CSMD1: variants seen among roughly 807,000 people sequenced by gnomAD.
CSMD1 encodes CUB and Sushi multiple domains 1.
A neutral mutation model predicts 417.5 loss-of-function variants in CSMD1; 213 were observed. The ratio of observed to expected loss-of-function variants is 0.51; its 90% confidence interval spans 0.46 to 0.57. CSMD1 has a LOEUF of 0.57. Ranked by LOEUF, CSMD1 falls within the 20% of genes least tolerant of loss-of-function variation. The probability of loss-of-function intolerance (pLI) is 0.00; values close to 1 mark genes in which losing one functional copy is unlikely to be tolerated. For synonymous variants in CSMD1, 2,862 were observed against 1,736.8 expected (o/e 1.65, Z -16.11); for missense variants, 6,923 against 4,529.7 (o/e 1.53, Z -15.17).
intron 3 of CSMD1, among the ~76,000 whole-genome samples, chr8:4,305,145 A>G (rs1426355672): frequency 6.6e-6 from 1 of 152,206 alleles, no homozygotes; most frequent in Non-Finnish European, 1.5e-5. Flanking sequence ...ATGCATTGGT[A>G]TCTATTTTGA....
chr8:3,492,633 C>A lies in CSMD1; in HGVS notation c.1448+990G>T, dbSNP rs146540325. ...CATAAACCAGGTGTGATAAAATGGA[C>A]AAAAACTGTCTTTGAGGCCCTCTCT... is the stretch of plus-strand genomic sequence containing the variant. On this transcript the variant is annotated intron_variant, in intron 11 of 69. Coordinates refer to ENST00000635120, the MANE Select transcript of CSMD1 (RefSeq NM_033225.6). Among the ~76,000 whole-genome samples the A allele has an allele frequency of 8.1e-3, 1,238 of 152,250 alleles. 19 individuals are homozygous for A. The highest frequency in any genetic ancestry group is 0.012 in the Non-Finnish European group (803 of 67,990).
chr8:4,300,125 G>C (rs1242014443), intron 3 of CSMD1, among the ~76,000 whole-genome samples: 1 of 152,188 alleles, frequency 6.6e-6, no homozygotes, highest in African/African-American at 2.4e-5. Flanking sequence ...CATCAGCTGA[G>C]TGCTTTTGAC....
At chr8:3,911,792 G>A (rs1417633399) in intron 5 of CSMD1, among the ~76,000 whole-genome samples, 3 of 152,240 alleles carry the variant, frequency 2.0e-5, no homozygotes, top group Admixed American at 6.5e-5. Context: ...TCAATAGACT[G>A]AAACTTGTAA....
chr8:3,592,810 T>C (rs1800912263), intron 8 of CSMD1, among the ~76,000 whole-genome samples: 1 of 152,108 alleles, frequency 6.6e-6, no homozygotes, highest in South Asian at 2.1e-4. Context: ...GACTTCCAAA[T>C]TCACAGTGGG....
chr8:3,216,104 C>T (rs970424390), intron 29 of CSMD1, among the ~76,000 whole-genome samples: 11 of 150,388 alleles, frequency 7.3e-5, no homozygotes, highest in African/African-American at 2.7e-4. Context: ...TTAAATGATA[C>T]ATATATATTT....
At chr8:4,364,309 C>G (rs1441430503) in intron 3 of CSMD1, among the ~76,000 whole-genome samples, 2 of 152,156 alleles carry the variant, frequency 1.3e-5, no homozygotes, top group Admixed American at 6.5e-5. Context: ...TTAAGGTCCT[C>G]TTGATAAGAC....
At chr8:4,704,778 A>C (rs1025384108) in intron 1 of CSMD1, among the ~76,000 whole-genome samples, 1 of 152,150 alleles carries the variant, frequency 6.6e-6, no homozygotes, top group Non-Finnish European at 1.5e-5. Flanking sequence ...GGAGAAAGGG[A>C]GTGGCAGTTG....
intron 26 of CSMD1, among the ~76,000 whole-genome samples, chr8:3,249,855 T>G (rs1800141947): frequency 6.6e-6 from 1 of 152,228 alleles, no homozygotes; most frequent in Admixed American, 6.5e-5. Context: ...AATGGCACTG[T>G]GTTTCTATGA....
chr8:3,964,004 G>T (rs535816344), intron 5 of CSMD1, among the ~76,000 whole-genome samples: 1 of 151,854 alleles, frequency 6.6e-6, no homozygotes, highest in East Asian at 1.9e-4. Flanking sequence ...AGCATCCCCA[G>T]AATGCACAAA....
In CSMD1 at chr8:3,756,486, A is replaced by T. The variant is rs1371490740; in HGVS notation, c.819-2444T>A. Reference sequence around the variant, plus strand: ...AAAAACTACAAACACATAGATATACACTGAAATTAAGCACAGAAGCAAGCC... The same window carrying T: ...AAAAACTACAAACACATAGATATACTCTGAAATTAAGCACAGAAGCAAGCC... On this transcript the variant is annotated intron_variant, in intron 5 of 69. Coordinates refer to ENST00000635120, the MANE Select transcript of CSMD1 (RefSeq NM_033225.6). Among the ~76,000 whole-genome samples the T allele has an allele frequency of 2.6e-5, 4 of 152,182 alleles. No homozygotes were observed. In the East Asian group the frequency reaches 7.7e-4, roughly 29 times the overall value.
chr8:4,752,829 A>C (rs1311251447), intron 1 of CSMD1, among the ~76,000 whole-genome samples: 1 of 152,164 alleles, frequency 6.6e-6, no homozygotes, highest in African/African-American at 2.4e-5. Context: ...ATGGAGGCAA[A>C]GTTCCTGAAA....
intron 3 of CSMD1, among the ~76,000 whole-genome samples, chr8:4,239,774 T>C (rs971194312): frequency 2.6e-5 from 4 of 152,328 alleles, no homozygotes; most frequent in Admixed American, 2.6e-4. Flanking sequence ...GGTCTATCTT[T>C]CACGTTAGTT....
chr8:4,617,539 G>C (rs1373128154), intron 2 of CSMD1, among the ~76,000 whole-genome samples: 1 of 152,212 alleles, frequency 6.6e-6, no homozygotes, highest in East Asian at 1.9e-4. Context: ...TCTGGATTTG[G>C]CTTCTGATTC....
intron 5 of CSMD1, among the ~76,000 whole-genome samples, chr8:3,772,526 C>CAT (rs879270240): frequency 2.8e-4 from 9 of 32,272 alleles, no homozygotes; most frequent in African/African-American, 5.0e-4. Flanking sequence ...CATATATACA[C>CAT]ATATATACAT....
intron 26 of CSMD1, among the ~76,000 whole-genome samples, chr8:3,270,591 G>A (rs925456420): frequency 5.3e-5 from 8 of 152,122 alleles, no homozygotes; most frequent in African/African-American, 1.7e-4. Context: ...TTAACAGGTC[G>A]ACACAGATGC....
At position 3,408,171 on chromosome 8, in the gene CSMD1, T is replaced by A. The variant is rs768720451; in HGVS notation, c.1799A>T (p.Tyr600Phe). ...ASSGIILSPN[Y>F]PEEYGNNMNC... ...CATGTTGTTCCCATATTCCTCTGGA[T>A]AATTTGGTGACAGAATAATCCCAGA... Residue 600 changes from tyrosine to phenylalanine, a missense_variant, in exon 14 of 70, where the codon TAT becomes TTT. Tyr to Phe is a conservative substitution (Grantham distance 22). Transcript: ENST00000635120. 4 of 1,612,774 alleles carry A rather than the reference T, an allele frequency of 2.5e-6. No individual in the cohort carries two copies. The highest frequency in any genetic ancestry group is 3.4e-6 in the Non-Finnish European group (4 of 1,179,276).
chr8:4,246,669 A>C (rs191840773), intron 3 of CSMD1, among the ~76,000 whole-genome samples: 1 of 152,220 alleles, frequency 6.6e-6, no homozygotes, highest in Non-Finnish European at 1.5e-5. Context: ...AGAAACAAAA[A>C]ACAACTTAAC....
At chr8:4,837,372 A>C (rs1333158496) in intron 1 of CSMD1, among the ~76,000 whole-genome samples, 2 of 152,200 alleles carry the variant, frequency 1.3e-5, no homozygotes, top group Non-Finnish European at 2.9e-5. Context: ...GATGATAAAG[A>C]AAATGTGGTA....
intron 3 of CSMD1, among the ~76,000 whole-genome samples, chr8:4,142,977 T>G (rs71523610): frequency 0.3 from 44,942 of 148,972 alleles, 8,345 homozygotes; most frequent in Non-Finnish European, 0.39. Context: ...AGATGCTTAG[T>G]TTTCAAACTG....
Sources: allele counts gnomAD v4.1 joint callset (sites outside exome capture counted in the v4.1 genomes callset), GRCh38; gene constraint gnomAD v4.1.1; transcripts MANE v1.5; gene names NCBI Gene and HGNC (gene_info 2026-07-23, HGNC 2026-07-21).